The following GRIN2B variants were observed in gnomAD, a reference collection of about 807,000 sequenced individuals.
The protein encoded by GRIN2B is glutamate ionotropic receptor NMDA type subunit 2B.
Under a neutral mutation model 114.5 loss-of-function variants are expected in GRIN2B, and 5 were observed. That is an observed-to-expected ratio of 0.04 (90% CI 0.02 to 0.09). The LOEUF (loss-of-function observed/expected upper bound fraction) is 0.09. GRIN2B is among the 10% of genes least tolerant of loss of function. The pLI is 1.00. For missense variants in GRIN2B, 1,108 were observed against 1,943.5 expected (o/e 0.57, Z 8.08); for synonymous variants, 787 against 745.1 (o/e 1.06, Z -0.92).
At chr12:13,634,500 G>A (rs527900929) in intron 5 of GRIN2B, among the ~76,000 whole-genome samples, 30 of 152,308 alleles carry the variant, frequency 2.0e-4, no homozygotes, top group African/African-American at 7.2e-4. Context: ...TCCCTAGGAG[G>A]TGTCTGCATT....
intron 4 of GRIN2B, among the ~76,000 whole-genome samples, chr12:13,723,506 A>T (rs1332665955): frequency 6.6e-6 from 1 of 152,038 alleles, no homozygotes; most frequent in Non-Finnish European, 1.5e-5. Flanking sequence ...CTTGCATATA[A>T]GCTAGTGCCT....
intron 3 of GRIN2B, among the ~76,000 whole-genome samples, chr12:13,773,883 A>G (rs1565532243): frequency 6.6e-6 from 1 of 152,220 alleles, no homozygotes; most frequent in Non-Finnish European, 1.5e-5. Context: ...CCTTCCAGAC[A>G]TACACACCCT....
At chr12:13,788,293 T>C (rs1864254548) in intron 3 of GRIN2B, among the ~76,000 whole-genome samples, 1 of 152,190 alleles carries the variant, frequency 6.6e-6, no homozygotes, top group African/African-American at 2.4e-5. Context: ...AGGGCCACTA[T>C]AGGGAACACA....
intron 5 of GRIN2B, among the ~76,000 whole-genome samples, chr12:13,656,093 T>C (rs938310568): frequency 6.6e-6 from 1 of 152,200 alleles, no homozygotes; most frequent in African/African-American, 2.4e-5. Flanking sequence ...CTCAATCTCC[T>C]TCCTTGGAGA....
At chr12:13,631,010 A>G (rs1409444624) in intron 5 of GRIN2B, among the ~76,000 whole-genome samples, 1 of 152,112 alleles carries the variant, frequency 6.6e-6, no homozygotes, top group African/African-American at 2.4e-5. Flanking sequence ...GTAACTGTCA[A>G]ACACTTTTAC....
chr12:13,815,419 A>C (rs889585384), intron 3 of GRIN2B, among the ~76,000 whole-genome samples: 5 of 152,206 alleles, frequency 3.3e-5, no homozygotes, highest in Non-Finnish European at 7.3e-5. Flanking sequence ...CCGTAACAAC[A>C]AAACAATCAC....
At position 13,684,070 on chromosome 12, in the gene GRIN2B, A is replaced by G. The variant is rs575368095; in HGVS notation, c.1011-8211T>C. On this transcript the variant is annotated intron_variant, in intron 4 of 13. Coordinates refer to ENST00000609686, the MANE Select transcript of GRIN2B (RefSeq NM_000834.5). The stretch of plus-strand genomic sequence containing the variant: ...ATTCTCTCTCATTCCTATAACATCC[A>G]AAACTATTAAGGCTTGGGAATATTT... 1.1e-4 allele frequency among the ~76,000 whole-genome samples: 16 copies of G among 152,240 alleles called. 2 individuals are homozygous for G. Among genetic ancestry groups the G allele is most frequent in the African/African-American group, 3.9e-4 (16 of 41,556 alleles).
chr12:13,576,296 A>AAACTT lies in GRIN2B; in HGVS notation c.2011-4337_2011-4333dup, dbSNP rs760228458. ...GCTTCCAGAAAATGCCCTTGTAATA[A>AAACTT]AACTTACCCCAAGCTGTAAGACATT... is the stretch of plus-strand genomic sequence containing the variant. On this transcript the variant is annotated intron_variant, in intron 10 of 13. Coordinates refer to ENST00000609686, the MANE Select transcript of GRIN2B (RefSeq NM_000834.5). Among the ~76,000 whole-genome samples the AAACTT allele has an allele frequency of 6.2e-4, 95 of 152,300 alleles. 1 individual carries two copies. The highest frequency in any genetic ancestry group is 2.2e-3 in the African/African-American group (90 of 41,560).
intron 3 of GRIN2B, among the ~76,000 whole-genome samples, chr12:13,817,148 G>C (rs1864839321): frequency 6.6e-6 from 1 of 152,054 alleles, no homozygotes; most frequent in Admixed American, 6.6e-5. Context: ...TAAAAGTTTG[G>C]AAATGGTTTT....
At chr12:13,852,516 G>T (rs1428187082) in intron 3 of GRIN2B, among the ~76,000 whole-genome samples, 1 of 151,902 alleles carries the variant, frequency 6.6e-6, no homozygotes, top group Non-Finnish European at 1.5e-5. Context: ...CAAAAGAAAA[G>T]GATGCCTTTT....
chr12:13,885,829 G>T (rs1335537861), intron 2 of GRIN2B, among the ~76,000 whole-genome samples: 1 of 152,238 alleles, frequency 6.6e-6, no homozygotes, highest in African/African-American at 2.4e-5. Flanking sequence ...ATATAGCTTA[G>T]TTGAGAGCAC....
chr12:13,862,796 C>T (rs189034774), intron 3 of GRIN2B, among the ~76,000 whole-genome samples: 11 of 152,170 alleles, frequency 7.2e-5, no homozygotes, highest in Non-Finnish European at 1.3e-4. Flanking sequence ...TCTGTTAAGC[C>T]CCCAAACATT....
At chr12:13,788,343 T>C (rs1021275421) in intron 3 of GRIN2B, among the ~76,000 whole-genome samples, 2 of 152,186 alleles carry the variant, frequency 1.3e-5, no homozygotes, top group Non-Finnish European at 2.9e-5. Flanking sequence ...CCAGCAAATA[T>C]AACCATTAAA....
chr12:13,562,352 T>C lies in GRIN2B; in HGVS notation c.*431A>G. 5.0e-6 allele frequency: 1 copy of C among 198,666 alleles called. No individual in the cohort carries two copies. The highest frequency in any genetic ancestry group is 1.0e-5 in the Non-Finnish European group (1 of 96,558). The allele number at this position is 198,666 out of a possible 1,614,324, so 12.3% of individuals were successfully genotyped here. A position where few individuals can be genotyped will look rare whatever the true frequency, so the allele number is the denominator to read the frequency against. ...ATGGTCTCACATAGATGCTTTTGCT[T>C]CCTCACCTAAATGAAAAGATCAGTT... On this transcript the variant is annotated 3_prime_UTR_variant, in exon 14 of 14. Coordinates refer to ENST00000609686, the MANE Select transcript of GRIN2B (RefSeq NM_000834.5).
chr12:13,977,547 A>G (rs1863046448), intron 2 of GRIN2B: 1 of 152,120 alleles, frequency 6.6e-6, no homozygotes, highest in Admixed American at 6.6e-5. Flanking sequence ...TCCTCGATTG[A>G]AATTAAATTT....
At chr12:13,629,713 C>G (rs1949601538) in intron 5 of GRIN2B, among the ~76,000 whole-genome samples, 1 of 151,524 alleles carries the variant, frequency 6.6e-6, no homozygotes, top group African/African-American at 2.4e-5. Context: ...GCCTCCCTGC[C>G]TTTGTTTCTT....
chr12:13,584,744 G>A (rs1948896410), intron 10 of GRIN2B, among the ~76,000 whole-genome samples: 1 of 152,218 alleles, frequency 6.6e-6, no homozygotes. Flanking sequence ...CACCAAAAAT[G>A]TGACAGAGTT....
chr12:13,788,819 C>T (rs2136662396), intron 3 of GRIN2B, among the ~76,000 whole-genome samples: 1 of 152,312 alleles, frequency 6.6e-6, no homozygotes. Flanking sequence ...ACTATCTTTG[C>T]TGCTAGGAGA....
chr12:13,972,069 C>A (rs1862932390), intron 2 of GRIN2B, among the ~76,000 whole-genome samples: 1 of 152,202 alleles, frequency 6.6e-6, no homozygotes, highest in African/African-American at 2.4e-5. Flanking sequence ...CCTTGTCAAT[C>A]ATCTTGCCCA....
Sources: allele counts gnomAD v4.1 joint callset (sites outside exome capture counted in the v4.1 genomes callset), GRCh38; gene constraint gnomAD v4.1.1; transcripts MANE v1.5; gene names NCBI Gene and HGNC (gene_info 2026-07-23, HGNC 2026-07-21).